CTNNA3: variants seen among roughly 807,000 people sequenced by gnomAD.
CTNNA3 encodes catenin alpha 3, also known as catenin alpha-3.
Under a neutral mutation model 95.7 loss-of-function variants are expected in CTNNA3, and 76 were observed. That is an observed-to-expected ratio of 0.79 (90% confidence interval 0.66 to 0.96). The LOEUF is 0.96. Among genes scored for constraint, CTNNA3 ranks in the 40% least tolerant of loss-of-function variants. CTNNA3 has a pLI of 0.00. For missense variants in CTNNA3, 1,191 were observed against 1,089.8 expected (o/e 1.09, Z -1.31); for synonymous variants, 431 against 374.4 (o/e 1.15, Z -1.74).
intron 5 of CTNNA3, among the ~76,000 whole-genome samples, chr10:67,304,744 C>T (rs1157545302): frequency 1.3e-5 from 2 of 151,956 alleles, no homozygotes; most frequent in Non-Finnish European, 1.5e-5. Context: ...GAAAATTGTC[C>T]TCTGCCTTCA....
At chr10:67,007,630 C>A (rs965761212) in intron 7 of CTNNA3, among the ~76,000 whole-genome samples, 1 of 151,890 alleles carries the variant, frequency 6.6e-6, no homozygotes, top group Non-Finnish European at 1.5e-5. Flanking sequence ...AAACCCTTGC[C>A]AGTGTTTCCC....
intron 5 of CTNNA3, among the ~76,000 whole-genome samples, chr10:67,420,532 C>A (rs1845710325): frequency 6.6e-6 from 1 of 152,138 alleles, no homozygotes. Context: ...ATATTAGTAC[C>A]TACATCAGAG....
intron 7 of CTNNA3, among the ~76,000 whole-genome samples, chr10:66,884,742 A>G (rs1844979167): frequency 6.6e-6 from 1 of 152,126 alleles, no homozygotes; most frequent in African/African-American, 2.4e-5. Context: ...TTACATTGCA[A>G]TAGATAACCA....
intron 7 of CTNNA3, among the ~76,000 whole-genome samples, chr10:66,839,761 A>G (rs931124323): frequency 2.0e-5 from 3 of 152,206 alleles, no homozygotes; most frequent in African/African-American, 7.2e-5. Flanking sequence ...ACATATGGAC[A>G]GAAAAAGAGA....
intron 3 of CTNNA3, among the ~76,000 whole-genome samples, chr10:67,545,020 A>G (rs933463619): frequency 1.2e-4 from 18 of 152,114 alleles, no homozygotes; most frequent in African/African-American, 3.9e-4. Context: ...AAGCTGGGAA[A>G]TACTTTGATT....
chr10:66,757,635 T>C (rs944718418), intron 9 of CTNNA3, among the ~76,000 whole-genome samples: 1 of 152,142 alleles, frequency 6.6e-6, no homozygotes, highest in African/African-American at 2.4e-5. Context: ...TAAGAAGAAA[T>C]CTAATCAACT....
At chr10:67,476,952 G>T (rs1848037066) in intron 5 of CTNNA3, among the ~76,000 whole-genome samples, 1 of 151,728 alleles carries the variant, frequency 6.6e-6, no homozygotes, top group Admixed American at 6.6e-5. Flanking sequence ...AGCCGCCTCA[G>T]CCTTGCTGTG....
At chr10:66,675,342 C>T (rs1846816504) in intron 9 of CTNNA3, among the ~76,000 whole-genome samples, 1 of 150,840 alleles carries the variant, frequency 6.6e-6, no homozygotes, top group Admixed American at 6.6e-5. Context: ...TTTTGTGCTT[C>T]TTTAGTCATT....
intron 3 of CTNNA3, among the ~76,000 whole-genome samples, chr10:67,568,565 A>G (rs965020075): frequency 6.6e-6 from 1 of 151,850 alleles, no homozygotes; most frequent in African/African-American, 2.4e-5. Context: ...ACACACACAT[A>G]TATATATATG....
At chr10:66,084,874 A>G (rs1479234348) in intron 14 of CTNNA3, 2 of 152,216 alleles carry the variant, frequency 1.3e-5, no homozygotes, top group South Asian at 4.1e-4. Context: ...ATTTAAGGTG[A>G]TATGTAACAA....
intron 7 of CTNNA3, among the ~76,000 whole-genome samples, chr10:66,986,624 A>G (rs1471080645): frequency 1.3e-5 from 2 of 152,198 alleles, no homozygotes; most frequent in Non-Finnish European, 2.9e-5. Context: ...ATGATACCTC[A>G]TTTTACCTGA....
chr10:67,039,282 T>C (rs949027192), intron 7 of CTNNA3, among the ~76,000 whole-genome samples: 2 of 152,136 alleles, frequency 1.3e-5, no homozygotes, highest in African/African-American at 4.8e-5. Flanking sequence ...AAATCCTGAA[T>C]ATTATACCTT....
At chr10:66,061,989 T>C (rs552515360) in intron 15 of CTNNA3, among the ~76,000 whole-genome samples, 1 of 152,238 alleles carries the variant, frequency 6.6e-6, no homozygotes, top group East Asian at 1.9e-4. Context: ...TAAAGTCTTG[T>C]TGTACAATGG....
chr10:66,520,991 AT>A (rs1278299239), intron 10 of CTNNA3, among the ~76,000 whole-genome samples: 3 of 151,390 alleles, frequency 2.0e-5, no homozygotes, highest in Admixed American at 1.3e-4. Context: ...AAAAAATGGA[AT>A]TTAAAAAAAT....
At chr10:66,759,255 T>C (rs1241747955) in intron 9 of CTNNA3, among the ~76,000 whole-genome samples, 1 of 152,180 alleles carries the variant, frequency 6.6e-6, no homozygotes, top group African/African-American at 2.4e-5. Flanking sequence ...CCACACTGTG[T>C]GGCATTTGGT....
At chr10:67,172,143 TCTC>T (rs1196566707) in intron 7 of CTNNA3, among the ~76,000 whole-genome samples, 2 of 152,190 alleles carry the variant, frequency 1.3e-5, no homozygotes, top group African/African-American at 4.8e-5. Context: ...AGTACCTACT[TCTC>T]CTTCAAAAGC....
At chr10:66,493,651 G>C (rs1339273183) in intron 11 of CTNNA3, among the ~76,000 whole-genome samples, 1 of 141,514 alleles carries the variant, frequency 7.1e-6, no homozygotes, top group Admixed American at 7.1e-5. Flanking sequence ...GCTCAGGCTG[G>C]ATGGAGTTCA....
intron 2 of CTNNA3, among the ~76,000 whole-genome samples, chr10:67,618,011 A>G (rs1239870300): frequency 5.9e-5 from 9 of 152,122 alleles, no homozygotes. Flanking sequence ...AAGAAAAACT[A>G]TAAAGATATT....
intron 14 of CTNNA3, among the ~76,000 whole-genome samples, chr10:66,071,359 T>C: frequency 3.8e-5 from 1 of 26,576 alleles, no homozygotes; most frequent in East Asian, 1.9e-3. Flanking sequence ...TAACTATTGA[T>C]CTTGGAATGT....
Sources: allele counts gnomAD v4.1 joint callset (sites outside exome capture counted in the v4.1 genomes callset), GRCh38; gene constraint gnomAD v4.1.1; transcripts MANE v1.5; gene names NCBI Gene and HGNC (gene_info 2026-07-23, HGNC 2026-07-21).